The following CAMK2D variants were observed in gnomAD, a reference collection of about 807,000 sequenced individuals.
CAMK2D encodes the protein calcium/calmodulin dependent protein kinase II delta, also known as calcium/calmodulin-dependent protein kinase type II subunit delta.
In CAMK2D, 37 loss-of-function variants were observed where a neutral mutation model predicts 84.0. That is an observed-to-expected ratio of 0.44 (90% CI 0.34 to 0.58). The LOEUF is 0.58. Among genes scored for constraint, CAMK2D ranks in the 20% least tolerant of loss-of-function variants. The pLI is 0.02. For missense variants in CAMK2D, 448 were observed against 652.5 expected (o/e 0.69, Z 3.41); for synonymous variants, 202 against 212.5 (o/e 0.95, Z 0.43).
At chr4:113,490,391 C>A (rs201311056) in intron 16 of CAMK2D, among the ~76,000 whole-genome samples, 49,505 of 100,644 alleles carry the variant, frequency 0.49, 13,978 homozygotes, top group African/African-American at 0.78. Context: ...ACCATTTATT[C>A]AATAGGGAAT....
chr4:113,497,487 C>T (rs1212094116), intron 16 of CAMK2D, among the ~76,000 whole-genome samples: 6 of 152,204 alleles, frequency 3.9e-5, no homozygotes, highest in Admixed American at 1.3e-4. Context: ...GACTGAGGAA[C>T]CATTAATCTC....
chr4:113,736,424 CA>C (rs1279161444), intron 2 of CAMK2D, among the ~76,000 whole-genome samples: 6 of 152,122 alleles, frequency 3.9e-5, no homozygotes, highest in African/African-American at 1.4e-4. Flanking sequence ...TGTAGAAAGG[CA>C]ACTTACTACA....
intron 16 of CAMK2D, among the ~76,000 whole-genome samples, chr4:113,490,921 A>G (rs2097832009): frequency 1.2e-5 from 1 of 83,214 alleles, no homozygotes; most frequent in African/African-American, 6.2e-5. Context: ...ATGGGAGTTC[A>G]CTCAGGATTT....
chr4:113,461,340 TAATC>T (rs1287962013), intron 17 of CAMK2D, among the ~76,000 whole-genome samples: 1 of 152,166 alleles, frequency 6.6e-6, no homozygotes, highest in African/African-American at 2.4e-5. Context: ...AATTATACAA[TAATC>T]AATACTAGAA....
chr4:113,669,762 G>A (rs1275283633), intron 2 of CAMK2D, among the ~76,000 whole-genome samples: 1 of 152,152 alleles, frequency 6.6e-6, no homozygotes, highest in Non-Finnish European at 1.5e-5. Flanking sequence ...AGAGGATTTA[G>A]GCAGGAGGAG....
At chr4:113,746,775 C>T (rs1371082524) in intron 2 of CAMK2D, among the ~76,000 whole-genome samples, 1 of 149,356 alleles carries the variant, frequency 6.7e-6, no homozygotes, top group Non-Finnish European at 1.5e-5. Flanking sequence ...GAAAAATGGC[C>T]TGAAATCAGG....
chr4:113,669,717 T>C (rs1244850407), intron 2 of CAMK2D, among the ~76,000 whole-genome samples: 1 of 152,178 alleles, frequency 6.6e-6, no homozygotes, highest in Non-Finnish European at 1.5e-5. Flanking sequence ...TCACTGCATG[T>C]TCCAAGATAT....
At chr4:113,571,650 G>T (rs1171654348) in intron 4 of CAMK2D, among the ~76,000 whole-genome samples, 3 of 152,302 alleles carry the variant, frequency 2.0e-5, no homozygotes, top group Admixed American at 2.0e-4. Flanking sequence ...GAGGCGGGTG[G>T]ATCACCTGAG....
chr4:113,577,970 A>G (rs1489252677), intron 4 of CAMK2D, among the ~76,000 whole-genome samples: 1 of 152,116 alleles, frequency 6.6e-6, no homozygotes, highest in Non-Finnish European at 1.5e-5. Flanking sequence ...TAGGAGTTTC[A>G]CAGTCCTACC....
At chr4:113,488,869 G>C (rs771508199) in intron 16 of CAMK2D, among the ~76,000 whole-genome samples, 5 of 152,094 alleles carry the variant, frequency 3.3e-5, no homozygotes, top group Non-Finnish European at 5.9e-5. Context: ...TTTTAAAATG[G>C]GGTTGGCAAC....
chr4:113,734,037 C>T (rs889438161), intron 2 of CAMK2D, among the ~76,000 whole-genome samples: 6 of 152,074 alleles, frequency 3.9e-5, no homozygotes, highest in Admixed American at 3.9e-4. Context: ...GGATTCTCAC[C>T]TGAGTTCTGT....
chr4:113,695,057 CAAG>C (rs927838045), intron 2 of CAMK2D, among the ~76,000 whole-genome samples: 1 of 152,080 alleles, frequency 6.6e-6, no homozygotes, highest in African/African-American at 2.4e-5. Context: ...TAATAGTCAC[CAAG>C]AAGATGCTGT....
At chr4:113,582,560 C>G (rs761538360) in intron 4 of CAMK2D, among the ~76,000 whole-genome samples, 9 of 133,360 alleles carry the variant, frequency 6.7e-5, no homozygotes, top group Admixed American at 1.5e-4. Context: ...CTTAAAGAAG[C>G]GAGCTGATAA....
At chr4:113,754,519 A>AAGTATTAAT in intron 2 of CAMK2D, 1 of 946,374 alleles carries the variant, frequency 1.1e-6, no homozygotes, top group Non-Finnish European at 1.3e-6. Flanking sequence ...TGGAAATGAG[A>AAGTATTAAT]AGTATTAATC....
intron 4 of CAMK2D, among the ~76,000 whole-genome samples, chr4:113,560,172 C>T (rs910534313): frequency 3.3e-5 from 5 of 151,634 alleles, no homozygotes; most frequent in African/African-American, 7.3e-5. Flanking sequence ...TCTTGTTTTG[C>T]GGATACCAGG....
At chr4:113,660,882 G>A (rs557680235) in intron 3 of CAMK2D, among the ~76,000 whole-genome samples, 301 of 146,606 alleles carry the variant, frequency 2.1e-3, no homozygotes, top group Non-Finnish European at 3.5e-3. Context: ...TGCAAGCTCC[G>A]CCTCCCGGGT....
intron 2 of CAMK2D, among the ~76,000 whole-genome samples, chr4:113,663,419 C>T (rs1297868864): frequency 6.6e-6 from 1 of 151,778 alleles, no homozygotes; most frequent in Non-Finnish European, 1.5e-5. Context: ...AATCTCATCT[C>T]TACCAAAAAA....
chr4:113,541,154 T>A (rs1204047331), intron 6 of CAMK2D, among the ~76,000 whole-genome samples: 1 of 152,222 alleles, frequency 6.6e-6, no homozygotes, highest in African/African-American at 2.4e-5. Context: ...GTTGATGGAA[T>A]CACTTTCAGA....
chr4:113,585,284 A>C (rs1460947710), intron 4 of CAMK2D, among the ~76,000 whole-genome samples: 1 of 152,194 alleles, frequency 6.6e-6, no homozygotes, highest in Non-Finnish European at 1.5e-5. Context: ...ACAATATTTC[A>C]TATAATCAAC....
Sources: allele counts gnomAD v4.1 joint callset (sites outside exome capture counted in the v4.1 genomes callset), GRCh38; gene constraint gnomAD v4.1.1; transcripts MANE v1.5; gene names NCBI Gene and HGNC (gene_info 2026-07-23, HGNC 2026-07-21).